FUNDC1: variants seen among roughly 807,000 people sequenced by gnomAD.
FUNDC1 encodes the protein FUN14 domain-containing protein 1.
In FUNDC1, 10 loss-of-function variants were observed where a neutral mutation model predicts 14.5. The ratio of observed to expected loss-of-function variants is 0.69; its 90% confidence interval spans 0.43 to 1.17. The LOEUF (loss-of-function observed/expected upper bound fraction) is 1.17. FUNDC1 is among the 50% of genes most tolerant of loss of function. FUNDC1 has a pLI of 0.00. For missense variants in FUNDC1, 115 were observed against 113.8 expected, an observed-to-expected ratio of 1.01 and a Z score of -0.05; for synonymous variants, 33 against 39.7, an observed-to-expected ratio of 0.83 and a Z score of 0.64.
Position 44,535,526 on chromosome X carries a change from C to T in FUNDC1, c.261+2941G>A, listed in dbSNP as rs142889391. Reference sequence around the variant, plus strand: ...ACCAAAAAAATACAAAAAAGTTAGCCGGGCTTGGTGGCGGGCGCCTGTTGT... The same window carrying T: ...ACCAAAAAAATACAAAAAAGTTAGCTGGGCTTGGTGGCGGGCGCCTGTTGT... On this transcript the variant is annotated intron_variant, in intron 3 of 4. Transcript: ENST00000378045. 2.1e-4 allele frequency among the ~76,000 whole-genome samples: 22 copies of T among 107,036 alleles called. No homozygotes were observed. The East Asian group carries it at 5.4e-3, about 26-fold the overall frequency. 92.9% of individuals were successfully genotyped at this position (107,036 alleles called of 115,157 possible). A position where few individuals can be genotyped will look rare whatever the true frequency, so the allele number is the denominator to read the frequency against.
intron 4 of FUNDC1, among the ~76,000 whole-genome samples, chrX:44,526,105 C>A (rs1478062712): frequency 2.7e-5 from 2 of 73,710 alleles, no homozygotes; most frequent in Non-Finnish European, 5.3e-5. Flanking sequence ...CAGAATGAGA[C>A]CTGTCTCAAA....
At chrX:44,526,119 A>AC (rs748131125) in intron 4 of FUNDC1, among the ~76,000 whole-genome samples, 1 of 94,586 alleles carries the variant, frequency 1.1e-5, no homozygotes. Flanking sequence ...TCTCAAAAAA[A>AC]ACAAAAAAAA....
chrX:44,526,530 C>T (rs1387259148), intron 4 of FUNDC1, among the ~76,000 whole-genome samples: 2 of 109,407 alleles, frequency 1.8e-5, no homozygotes, highest in Non-Finnish European at 3.8e-5. Flanking sequence ...AATATCTGTA[C>T]TCTTAGAAGA....
Position 44,524,212 on chromosome X carries a change from C to T in FUNDC1, c.454G>A (p.Gly152Arg), listed in dbSNP as rs1410942185. The change falls in exon 5 of 5, where the codon GGA becomes AGA. Residue 152 changes from glycine to arginine, a missense_variant. Coordinates refer to ENST00000378045, the MANE Select transcript of FUNDC1 (RefSeq NM_173794.4). Reference sequence around the variant, plus strand: ...TATTCATGTCCTTAAGATGCAAGTCCGAGCAAAAAGCCTCCCACAAATCCA... The same window carrying T: ...TATTCATGTCCTTAAGATGCAAGTCTGAGCAAAAAGCCTCCCACAAATCCA... ...SSGFVGGFLLGLAS is the reference protein window; with the variant it reads ...SSGFVGGFLLRLAS 3.3e-6 allele frequency: 4 copies of T among 1,196,866 alleles called. No individual in the cohort carries two copies. Among genetic ancestry groups the T allele is most frequent in the South Asian group, 3.5e-5 (2 of 56,530 alleles).
Position 44,538,993 on chromosome X carries a change from T to C in FUNDC1, c.186-451A>G, listed in dbSNP as rs148730998. Among the ~76,000 whole-genome samples the C allele has an allele frequency of 3.2e-3, 353 of 111,519 alleles. 1 individual carries two copies. Among genetic ancestry groups the C allele is most frequent in the African/African-American group, 0.011 (331 of 30,701 alleles). ...TCATCACCTTTGCTCAAGCTATTAA[T>C]CTCCCTGCTTCTAGGGGTTTCTTCC... On this transcript the variant is annotated intron_variant, in intron 2 of 4. Coordinates refer to ENST00000378045, the MANE Select transcript of FUNDC1 (RefSeq NM_173794.4).
At chrX:44,535,587 G>A (rs1308768979) in intron 3 of FUNDC1, among the ~76,000 whole-genome samples, 5 of 102,801 alleles carry the variant, frequency 4.9e-5, no homozygotes, top group Non-Finnish European at 9.9e-5. Context: ...GGAGAGTGGC[G>A]TGACCCTGGG....
intron 2 of FUNDC1, among the ~76,000 whole-genome samples, chrX:44,541,422 GCT>G (rs2038970855): frequency 9.0e-6 from 1 of 111,414 alleles, no homozygotes; most frequent in Non-Finnish European, 1.9e-5. Context: ...ACGTTCTACA[GCT>G]CTTTTTCAAA....
intron 1 of FUNDC1, 121 bp downstream of exon 1, chrX:44,542,684 G>A (rs1014066139): frequency 9.4e-5 from 67 of 710,975 alleles, no homozygotes; most frequent in Admixed American, 6.2e-4. Context: ...CGAAGGGGCT[G>A]CCTTAAAAAA....
rs755553023 is a variant in FUNDC1, at chrX:44,542,840, C to A, written c.-8G>T. On this transcript the variant is annotated 5_prime_UTR_variant, in exon 1 of 5. Transcript: ENST00000378045. ...GGGGTTCCGGGTCGCCATGATACCG[C>A]CAGCGGCCAATTCTGGAGTGGTCCC... 14 of 1,168,592 alleles carry A rather than the reference C, an allele frequency of 1.2e-5. No homozygotes were observed. The South Asian group carries it at 2.5e-4, about 21-fold the overall frequency.
intron 1 of FUNDC1, chrX:44,542,430 A>G: frequency 2.7e-6 from 1 of 372,677 alleles, no homozygotes; most frequent in Non-Finnish European, 4.6e-6. Context: ...AGCAGGGTCC[A>G]TTTTCATCAG....
At chrX:44,531,068 T>A (rs2038920327) in intron 3 of FUNDC1, among the ~76,000 whole-genome samples, 1 of 109,729 alleles carries the variant, frequency 9.1e-6, no homozygotes, top group South Asian at 3.9e-4. Flanking sequence ...ACGGCGAAAT[T>A]CTGTCTCTAC....
intron 4 of FUNDC1, among the ~76,000 whole-genome samples, chrX:44,525,620 TGA>T (rs2038897441): frequency 9.1e-6 from 1 of 110,269 alleles, no homozygotes; most frequent in East Asian, 2.9e-4. Flanking sequence ...ATTGGGAGGC[TGA>T]GGCAGGCAGG....
chrX:44,529,186 A>AC (rs1258133707), intron 3 of FUNDC1, among the ~76,000 whole-genome samples: 3 of 110,713 alleles, frequency 2.7e-5, no homozygotes, highest in African/African-American at 9.8e-5. Context: ...CCCCTTATCC[A>AC]CCCCCCAATC....
intron 3 of FUNDC1, among the ~76,000 whole-genome samples, chrX:44,537,357 C>CA (rs1452385572): frequency 1.8e-5 from 2 of 111,765 alleles, no homozygotes; most frequent in Non-Finnish European, 3.8e-5. Context: ...ACTGAGTCTT[C>CA]AAAATAGCTA....
intron 3 of FUNDC1, among the ~76,000 whole-genome samples, chrX:44,533,881 T>C (rs1210281157): frequency 3.8e-5 from 4 of 106,613 alleles, no homozygotes; most frequent in African/African-American, 1.4e-4. Flanking sequence ...CTGGGCAACA[T>C]AGCAAAACTC....
At position 44,527,254 on chromosome X, in the gene FUNDC1, T is replaced by G. The variant is rs975691078; in HGVS notation, c.373A>C (p.Asn125His). ...KRANKAAPEI[N>H]NLIEEATEFI... ...CATCTTACTTCTTCAATTAAATTGT[T>G]GATTTCAGGTGCTGCTTTGTTCGCT... The change falls in exon 4 of 5, where the codon AAC becomes CAC. Residue 125 changes from asparagine (N) to histidine (H), a missense_variant. Asn to His is a moderately conservative substitution (Grantham distance 68). Coordinates refer to ENST00000378045, the MANE Select transcript of FUNDC1 (RefSeq NM_173794.4). The G allele has an allele frequency of 8.5e-7, 1 of 1,180,402 alleles. No homozygotes were observed. Among genetic ancestry groups the G allele is most frequent in the Non-Finnish European group, 1.1e-6 (1 of 881,737 alleles).
At chrX:44,531,765 AACACACAC>A (rs143142516) in intron 3 of FUNDC1, among the ~76,000 whole-genome samples, 2,107 of 87,329 alleles carry the variant, frequency 0.024, 85 homozygotes, top group African/African-American at 0.084. Flanking sequence ...AGAAGCTTAA[AACACACAC>A]ACACACACAC....
intron 4 of FUNDC1, among the ~76,000 whole-genome samples, 193 bp from the exon 5 acceptor site, chrX:44,524,468 A>C (rs1006192393): frequency 9.0e-6 from 1 of 111,096 alleles, no homozygotes; most frequent in African/African-American, 3.3e-5. Flanking sequence ...ATTAATGTTT[A>C]ATGGGCACAG....
Position 44,531,155 on chromosome X carries a change from T to C in FUNDC1, c.262-3790A>G, listed in dbSNP as rs988516161. On this transcript the variant is annotated intron_variant, in intron 3 of 4. Transcript: ENST00000378045. ...TACTTGAGAGGCTGAAGTGGCAGGA[T>C]CGCTTGAGCCTCAGGAGTTCAAGGC... Among the ~76,000 whole-genome samples, 3 of 105,970 alleles carry C rather than the reference T, an allele frequency of 2.8e-5. No homozygotes were observed. In the Admixed American group the frequency reaches 3.1e-4, roughly 11 times the overall value. 92.0% of individuals were successfully genotyped at this position (105,970 alleles called of 115,157 possible). A position where few individuals can be genotyped will look rare whatever the true frequency, so the allele number is the denominator to read the frequency against.
Sources: gnomAD v4.1 joint callset for allele counts (sites outside exome capture counted in the v4.1 genomes callset) on GRCh38, gnomAD v4.1.1 for gene constraint, MANE v1.5 for transcripts, NCBI Gene and HGNC (gene_info 2026-07-23, HGNC 2026-07-21) for gene names.